The following FAT4 variants were observed in gnomAD, a reference collection of about 807,000 sequenced individuals.
FAT4 encodes protocadherin Fat 4.
In FAT4, 84 loss-of-function variants were observed where a neutral mutation model predicts 303.9. The ratio of observed to expected loss-of-function variants is 0.28; its 90% CI spans 0.23 to 0.33. The LOEUF is 0.33. Among genes scored for constraint, FAT4 ranks in the 10% least tolerant of loss-of-function variants. The pLI, the probability that FAT4 is intolerant of heterozygous loss-of-function variation, is 1.00. For synonymous variants in FAT4, 2,307 were observed against 2,298.8 expected (o/e 1.00, Z -0.10); for missense variants, 6,005 against 6,146.8 (o/e 0.98, Z 0.77).
intron 13 of FAT4, 65 bp downstream of exon 13, chr4:125,476,321 TAAAA>T: frequency 2.5e-6 from 2 of 809,922 alleles, no homozygotes; most frequent in Non-Finnish European, 3.8e-6. Flanking sequence ...ACTTTATACC[TAAAA>T]ATAATTATAG....
chr4:125,449,113 C>CA lies in FAT4; in HGVS notation c.8105dup (p.Asn2702LysfsTer7). 6.2e-7 allele frequency: 1 copy of CA among 1,613,842 alleles called. No homozygotes were observed. Among genetic ancestry groups the CA allele is most frequent in the Non-Finnish European group, 8.5e-7 (1 of 1,179,878 alleles). On this transcript the variant is annotated frameshift_variant, in exon 10 of 18. Coordinates refer to ENST00000394329, the MANE Select transcript of FAT4 (RefSeq NM_001291303.3). LOFTEE classifies it high-confidence loss of function. ...CGGCAATGGACAAGGACAGTGGACC[C>CA]AATGGACAGTTAGATTATGAAATTG...
rs752936899 is a variant in FAT4 at position 125,354,487 on chromosome 4, G to A, written c.5175+32901G>A. ...TCTTTGCTGATGGAATATTGAACAC[G>A]CTCTCACTCTGATGTACAGTTATAG... On this transcript the variant is annotated intron_variant, in intron 2 of 17. Transcript: ENST00000394329. 2.0e-5 allele frequency among the ~76,000 whole-genome samples: 3 copies of A among 151,638 alleles called. No individual in the cohort carries two copies. In the Admixed American group the frequency reaches 2.0e-4, roughly 10 times the overall value.
intron 10 of FAT4, among the ~76,000 whole-genome samples, chr4:125,460,354 G>A (rs887970867): frequency 7.2e-5 from 11 of 151,914 alleles, no homozygotes; most frequent in African/African-American, 2.7e-4. Context: ...ATGTCACAGG[G>A]TTCGTTATAC....
At chr4:125,484,395 T>C (rs1293830186) in intron 16 of FAT4, among the ~76,000 whole-genome samples, 2 of 152,192 alleles carry the variant, frequency 1.3e-5, no homozygotes, top group Non-Finnish European at 2.9e-5. Context: ...AGCTCCATAT[T>C]TGATGTTCTG....
At chr4:125,377,245 T>C (rs1578574892) in intron 2 of FAT4, among the ~76,000 whole-genome samples, 1 of 152,272 alleles carries the variant, frequency 6.6e-6, no homozygotes, top group East Asian at 1.9e-4. Flanking sequence ...TAGAGGATTT[T>C]CAATGAGGAA....
At chr4:125,352,551 T>C (rs1365073261) in intron 2 of FAT4, among the ~76,000 whole-genome samples, 1 of 151,826 alleles carries the variant, frequency 6.6e-6, no homozygotes, top group East Asian at 1.9e-4. Context: ...GTTCCTCTTT[T>C]AAGTAAAAAC....
At chr4:125,484,804 C>G (rs927292187) in intron 16 of FAT4, among the ~76,000 whole-genome samples, 2 of 151,674 alleles carry the variant, frequency 1.3e-5, no homozygotes, top group Non-Finnish European at 2.9e-5. Flanking sequence ...TAATCATATC[C>G]AAAAATAAAA....
chr4:125,471,989 C>T (rs1174239735), intron 12 of FAT4, among the ~76,000 whole-genome samples: 7 of 135,832 alleles, frequency 5.2e-5, no homozygotes, highest in African/African-American at 1.7e-4. Flanking sequence ...AGGAGAATGG[C>T]GTGAACCTGG....
At chr4:125,448,041 G>A (rs975672971) in intron 9 of FAT4, among the ~76,000 whole-genome samples, 2 of 152,154 alleles carry the variant, frequency 1.3e-5, no homozygotes, top group Admixed American at 1.3e-4. Flanking sequence ...GATATTTTAA[G>A]ACACACTAGA....
rs199842202 is a variant in FAT4 at position 125,408,539 on chromosome 4, T to A, written c.5665T>A (p.Phe1889Ile). ...GAATGAAGATGATGAAGATGGCATC[T>A]TTTTCCTGAATCCTATTACTGGGGT... ...IVNEDDEDGI[F>I]FLNPITGVFN... Residue 1889 changes from phenylalanine (F) to isoleucine (I), a missense_variant, in exon 5 of 18, where the codon TTT becomes ATT. Phe to Ile is a conservative substitution (Grantham distance 21). Transcript: ENST00000394329. The A allele has an allele frequency of 2.1e-5, 34 of 1,612,700 alleles. No individual in the cohort carries two copies.
chr4:125,316,786 G>C lies in FAT4; in HGVS notation c.375G>C (p.Val125=). Residue 125 remains valine (V), a synonymous_variant, in exon 2 of 18, where the codon GTG becomes GTC. Transcript: ENST00000394329. The surrounding 1 kb of genome is among the most constrained non-coding windows in gnomAD (Gnocchi z 5.7). The part of the protein sequence containing the change: ...PTYPTEVRVL[V]RDLNDNAPVF... ...ACCCCACCGAAGTGCGAGTGCTGGT[G>C]CGGGACCTCAATGACAACGCCCCCG... 1 of 1,614,032 alleles carries C rather than the reference G, an allele frequency of 6.2e-7. No homozygotes were observed. Among genetic ancestry groups the C allele is most frequent in the Non-Finnish European group, 8.5e-7 (1 of 1,180,002 alleles).
At chr4:125,383,694 A>G (rs1733623980) in intron 2 of FAT4, among the ~76,000 whole-genome samples, 1 of 152,162 alleles carries the variant, frequency 6.6e-6, no homozygotes, top group South Asian at 2.1e-4. Context: ...GATAAAGGCA[A>G]GTGCAATGAA....
At chr4:125,473,905 C>T (rs1184352091) in intron 12 of FAT4, among the ~76,000 whole-genome samples, 2 of 151,960 alleles carry the variant, frequency 1.3e-5, no homozygotes, top group African/African-American at 4.8e-5. Context: ...TTTCAGAAAA[C>T]ATCCAAAATA....
intron 12 of FAT4, among the ~76,000 whole-genome samples, chr4:125,472,627 A>G (rs971960083): frequency 6.6e-6 from 1 of 152,212 alleles, no homozygotes; most frequent in Non-Finnish European, 1.5e-5. Flanking sequence ...TATTTTATAA[A>G]TCCATGTTTA....
intron 2 of FAT4, among the ~76,000 whole-genome samples, chr4:125,361,854 C>T (rs1732685519): frequency 6.6e-6 from 1 of 152,142 alleles, no homozygotes; most frequent in Admixed American, 6.6e-5. Flanking sequence ...CCCAGCCTCA[C>T]TAGGATGCAC....
At chr4:125,420,537 T>C (rs552417506) in intron 7 of FAT4, among the ~76,000 whole-genome samples, 1 of 152,330 alleles carries the variant, frequency 6.6e-6, no homozygotes, top group African/African-American at 2.4e-5. Flanking sequence ...AAGAAAAAAG[T>C]GCAAATCATT....
intron 9 of FAT4, among the ~76,000 whole-genome samples, chr4:125,447,803 A>G (rs577185167): frequency 1.3e-5 from 2 of 152,202 alleles, no homozygotes; most frequent in East Asian, 1.9e-4. Context: ...AGTTGAGTCC[A>G]TTATCCCTCA....
chr4:125,356,302 C>T (rs535387262), intron 2 of FAT4, among the ~76,000 whole-genome samples: 302 of 151,946 alleles, frequency 2.0e-3, no homozygotes, highest in African/African-American at 6.9e-3. Context: ...CTTTACATCC[C>T]TGAGTAATTT....
Position 125,408,775 on chromosome 4 carries a change from T to A in FAT4, c.5901T>A (p.Asn1967Lys). Residue 1967 changes from asparagine (N) to lysine (K), a missense_variant, in exon 5 of 18, where the codon AAT (asparagine) becomes AAA (lysine). Asn to Lys is a moderately conservative substitution (Grantham distance 94). Coordinates refer to ENST00000394329, the MANE Select transcript of FAT4 (RefSeq NM_001291303.3). ...TGGGATCTACTGTTCTTGTGTTTAA[T>A]GTTACTGATGCAGATGATGGTATGT... is the stretch of plus-strand genomic sequence containing the variant. ...LPVGSTVLVF[N>K]VTDADDGINS... 2.0e-6 allele frequency: 3 copies of A among 1,536,986 alleles called. No homozygotes were observed. The highest frequency in any genetic ancestry group is 2.6e-6 in the Non-Finnish European group (3 of 1,134,500).
Sources: gnomAD v4.1 joint callset for allele counts (sites outside exome capture counted in the v4.1 genomes callset) on GRCh38, gnomAD v4.1.1 for gene constraint, Gnocchi (gnomAD v3.1) non-coding constraint, MANE v1.5 for transcripts, NCBI Gene and HGNC (gene_info 2026-07-23, HGNC 2026-07-21) for gene names.